The following DNAH2 variants were observed in gnomAD, a reference collection of about 807,000 sequenced individuals.
The protein encoded by DNAH2 is axonemal beta dynein heavy chain 2.
DNAH2 carries 323 observed loss-of-function variants against 523.5 expected under a neutral mutation model. The observed-to-expected ratio is 0.62, with a 90% CI of 0.56 to 0.68. The LOEUF (loss-of-function observed/expected upper bound fraction) is 0.68. DNAH2 is among the 30% of genes least tolerant of loss of function. The pLI is 0.00. For synonymous variants in DNAH2, 2,093 were observed against 2,177.4 expected, an observed-to-expected ratio of 0.96 and a Z score of 1.08; for missense variants, 4,907 against 5,701.5, an observed-to-expected ratio of 0.86 and a Z score of 4.49.
chr17:7,737,046 C>A, intron 7 of DNAH2, 21 bp from the exon 8 acceptor site: 2 of 1,604,640 alleles, frequency 1.2e-6, no homozygotes, highest in South Asian at 2.2e-5. Context: ...AAATCTATTT[C>A]TCATCTCTCT....
chr17:7,807,107 G>A lies in DNAH2; in HGVS notation c.9443-43G>A. The A allele has an allele frequency of 3.2e-6, 5 of 1,580,716 alleles. No individual in the cohort carries two copies. The highest frequency in any genetic ancestry group is 4.3e-6 in the Non-Finnish European group (5 of 1,168,462). On this transcript the variant is annotated intron_variant, in intron 61 of 85. Transcript: ENST00000572933. The surrounding 1 kb of genome is among the most constrained non-coding windows in gnomAD (Gnocchi z 5.6). Reference sequence around the variant, plus strand: ...GGTGAAACTGCTGGACAAGGAGGATGGCATTAAGCCTCTGGCTAAGGCCCC... The same window carrying A: ...GGTGAAACTGCTGGACAAGGAGGATAGCATTAAGCCTCTGGCTAAGGCCCC...
At chr17:7,731,126 A>T (rs1454297104) in intron 4 of DNAH2, among the ~76,000 whole-genome samples, 1 of 126,214 alleles carries the variant, frequency 7.9e-6, no homozygotes, top group Admixed American at 8.4e-5. Flanking sequence ...TCAGATAAAT[A>T]AATAAATTAA....
At chr17:7,756,622 C>A (rs2075846924) in intron 12 of DNAH2, among the ~76,000 whole-genome samples, 1 of 152,054 alleles carries the variant, frequency 6.6e-6, no homozygotes, top group Admixed American at 6.6e-5. Flanking sequence ...AAATATCATT[C>A]CAACATCAAT....
intron 61 of DNAH2, 97 bp downstream of exon 61, chr17:7,805,490 G>A (rs2077345030): frequency 6.4e-7 from 1 of 1,551,970 alleles, no homozygotes; most frequent in African/African-American, 1.4e-5. Context: ...GGATGGATGA[G>A]GCATTGTTCT....
intron 35 of DNAH2, among the ~76,000 whole-genome samples, chr17:7,778,883 C>A (rs1164741862): frequency 2.0e-5 from 3 of 152,172 alleles, no homozygotes; most frequent in African/African-American, 7.2e-5. Context: ...ATAATTCTTA[C>A]AACTAGGAAA....
At position 7,766,391 on chromosome 17, in the gene DNAH2, C is replaced by G. The variant is rs532848251; in HGVS notation, c.3585C>G (p.Ala1195=). ...CACAAGTGCGGGCCATGCTGATGGC[C>G]ATGCGGGAAGAGGAAAATAGTCTCC... ...QITQVRAMLM[A]MREEENSLRA... is the part of the protein sequence containing the mutation. Residue 1195 remains alanine, a synonymous_variant, in exon 22 of 86, where the codon GCC becomes GCG. Coordinates refer to ENST00000572933, the MANE Select transcript of DNAH2 (RefSeq NM_020877.5). 6.2e-7 allele frequency: 1 copy of G among 1,613,934 alleles called. No individual in the cohort carries two copies. The highest frequency in any genetic ancestry group is 1.3e-5 in the African/African-American group (1 of 74,886).
intron 9 of DNAH2, 125 bp downstream of exon 9, chr17:7,740,063 GC>G (rs1305524239): frequency 2.0e-5 from 8 of 400,504 alleles, no homozygotes; most frequent in East Asian, 9.9e-5. Context: ...CAGGGCGGTG[GC>G]CCGGGGGGGG....
At chr17:7,808,370 A>G (rs1410361905) in intron 63 of DNAH2, among the ~76,000 whole-genome samples, 1 of 141,146 alleles carries the variant, frequency 7.1e-6, no homozygotes, top group African/African-American at 2.7e-5. Context: ...ACTGTCTCAG[A>G]AAAAAAAAAA....
intron 30 of DNAH2, among the ~76,000 whole-genome samples, chr17:7,775,690 C>CAAAAAAAAAAAAAAAAAAAAAAAAAAA (rs1768945822): frequency 1.3e-5 from 1 of 78,380 alleles, no homozygotes; most frequent in African/African-American, 5.2e-5. Context: ...CGTCTCAAAA[C>CAAAAAAAAAAAAAAAAAAAAAAAAAAA]CAAAAAAAAA....
chr17:7,746,015 C>T (rs1342191052), intron 12 of DNAH2, among the ~76,000 whole-genome samples: 1 of 152,068 alleles, frequency 6.6e-6, no homozygotes, highest in Non-Finnish European at 1.5e-5. Flanking sequence ...CTTAAAAAAC[C>T]CTTTCCTGGC....
In DNAH2 at chr17:7,768,153, C is replaced by G; in HGVS notation, c.3838-11C>G. 1 of 1,614,192 alleles carries G rather than the reference C, an allele frequency of 6.2e-7. No homozygotes were observed. Among genetic ancestry groups the G allele is most frequent in the East Asian group, 2.2e-5 (1 of 44,880 alleles). ...TCGTCGGGTCTTCTCATGCCCCCAA[C>G]TTTTGCTCAGGACCGAAACTGGGAA... On this transcript the variant is annotated splice_polypyrimidine_tract_variant and intron_variant, in intron 23 of 85. Coordinates refer to ENST00000572933, the MANE Select transcript of DNAH2 (RefSeq NM_020877.5).
chr17:7,721,271 T>A (rs1435862188), intron 2 of DNAH2, among the ~76,000 whole-genome samples: 4 of 152,144 alleles, frequency 2.6e-5, no homozygotes, highest in African/African-American at 9.7e-5. Flanking sequence ...CCTCCTGGGT[T>A]CAAGCGATTC....
chr17:7,811,460 C>A (rs1158447909), intron 63 of DNAH2, among the ~76,000 whole-genome samples: 1 of 152,198 alleles, frequency 6.6e-6, no homozygotes, highest in East Asian at 1.9e-4. Context: ...CTGTTCTGCT[C>A]CATCTCAGCT....
rs552695664 is a variant in DNAH2, at chr17:7,768,331, C to T, written c.3941+64C>T. 4.6e-6 allele frequency: 7 copies of T among 1,524,992 alleles called. No individual in the cohort carries two copies. In the African/African-American group the frequency reaches 9.6e-5, roughly 21 times the overall value. 94.5% of individuals were successfully genotyped at this position (1,524,992 alleles called of 1,614,324 possible). ...CCGCTGGCCTGCGCCACCACTTGGT[C>T]CCTCCCATTCTCCTCTCCGCAGTGT... is the stretch of plus-strand genomic sequence containing the variant. On this transcript the variant is annotated intron_variant, in intron 24 of 85. Coordinates refer to ENST00000572933, the MANE Select transcript of DNAH2 (RefSeq NM_020877.5).
At chr17:7,741,451 G>A (rs1445164164) in intron 11 of DNAH2, among the ~76,000 whole-genome samples, 1 of 149,028 alleles carries the variant, frequency 6.7e-6, no homozygotes. Context: ...TCTGCCTCCC[G>A]GGTTCACACC....
intron 2 of DNAH2, among the ~76,000 whole-genome samples, chr17:7,722,187 CG>C (rs56380951): frequency 0.26 from 37,543 of 143,926 alleles, 5,442 homozygotes; most frequent in East Asian, 0.7. Flanking sequence ...TTTATAGAGA[CG>C]GGGGGGGGGG....
At chr17:7,763,193 C>G (rs996807026) in intron 18 of DNAH2, among the ~76,000 whole-genome samples, 1 of 152,130 alleles carries the variant, frequency 6.6e-6, no homozygotes, top group East Asian at 1.9e-4. Flanking sequence ...GAGTCTTGCT[C>G]TGTCGCCCAG....
chr17:7,775,035 A>G, intron 29 of DNAH2, 59 bp downstream of exon 29: 1 of 1,559,572 alleles, frequency 6.4e-7, no homozygotes. Context: ...TTGGGGTATG[A>G]AAAGCTTTGG....
At chr17:7,739,620 T>TC in intron 8 of DNAH2, 113 bp from the exon 9 acceptor site, 4 of 954,818 alleles carry the variant, frequency 4.2e-6, no homozygotes, top group Non-Finnish European at 6.1e-6. Context: ...TTTTTTTTTT[T>TC]CACTTGCCAT....
Sources: allele counts gnomAD v4.1 joint callset (sites outside exome capture counted in the v4.1 genomes callset), GRCh38; gene constraint gnomAD v4.1.1; non-coding constraint Gnocchi (gnomAD v3.1); transcripts MANE v1.5; gene names NCBI Gene and HGNC (gene_info 2026-07-23, HGNC 2026-07-21).